Variants in PRKCE observed in about 807,000 individuals in gnomAD.
The protein encoded by PRKCE is protein kinase C epsilon, also known as protein kinase C epsilon type.
PRKCE carries 16 observed loss-of-function variants against 85.4 expected under a neutral mutation model. The observed-to-expected ratio is 0.19, with a 90% CI of 0.13 to 0.28. The LOEUF (loss-of-function observed/expected upper bound fraction) is 0.28, where lower values mean the gene tolerates loss of function less well. Among genes scored for constraint, PRKCE ranks in the 10% least tolerant of loss-of-function variants. PRKCE has a pLI of 1.00. For missense variants in PRKCE, 573 were observed against 975.2 expected, an observed-to-expected ratio of 0.59 and a Z score of 5.49; for synonymous variants, 388 against 371.5, an observed-to-expected ratio of 1.04 and a Z score of -0.51.
Position 46,113,912 on chromosome 2 carries a change from T to C in PRKCE, c.1592+27550T>C, listed in dbSNP as rs574546447. On this transcript the variant is annotated intron_variant, in intron 11 of 14. Transcript: ENST00000306156. ...GGACCTCAGATAGATGATTGGGCTT[T>C]GTCTCTACAGTTTTCTCTTCAAGAC... Among the ~76,000 whole-genome samples the C allele has an allele frequency of 2.6e-5, 4 of 152,352 alleles. No homozygotes were observed. The South Asian group carries it at 8.3e-4, about 32-fold the overall frequency.
chr2:45,786,801 C>T lies in PRKCE; in HGVS notation c.349-56199C>T, dbSNP rs1686633419. Reference sequence around the variant, plus strand: ...TTCAGTGAGGTAACCACTACCCTCACCCCCGTTTTACAGAGGTGGAAACCG... The same window carrying T: ...TTCAGTGAGGTAACCACTACCCTCATCCCCGTTTTACAGAGGTGGAAACCG... On this transcript the variant is annotated intron_variant, in intron 1 of 14. Coordinates refer to ENST00000306156, the MANE Select transcript of PRKCE (RefSeq NM_005400.3). The surrounding 1 kb of genome is among the most constrained non-coding windows in gnomAD (Gnocchi z 5.3). Among the ~76,000 whole-genome samples the T allele has an allele frequency of 2.0e-5, 3 of 152,208 alleles. 1 individual carries two copies. The South Asian group carries it at 6.2e-4, about 32-fold the overall frequency.
intron 11 of PRKCE, among the ~76,000 whole-genome samples, chr2:46,106,476 C>T (rs1671728369): frequency 6.6e-6 from 1 of 152,190 alleles, no homozygotes; most frequent in Admixed American, 6.5e-5. Flanking sequence ...TAACAAAATA[C>T]CACAAACTGG....
intron 1 of PRKCE, among the ~76,000 whole-genome samples, chr2:45,692,710 C>CACAT (rs1262872523): frequency 3.5e-5 from 5 of 144,244 alleles, no homozygotes; most frequent in Admixed American, 6.8e-5. Context: ...CAAGGGAGGA[C>CACAT]ACACACACAC....
intron 1 of PRKCE, among the ~76,000 whole-genome samples, chr2:45,816,429 G>A (rs999860467): frequency 2.0e-5 from 3 of 151,942 alleles, no homozygotes; most frequent in African/African-American, 7.3e-5. Context: ...AGACAGCATG[G>A]GCTTCATCCC....
intron 1 of PRKCE, among the ~76,000 whole-genome samples, chr2:45,658,248 T>G (rs1403701091): frequency 1.3e-5 from 2 of 152,194 alleles, no homozygotes; most frequent in African/African-American, 4.8e-5. Context: ...AATCCAATAT[T>G]GCTCTCATTG....
chr2:45,834,023 A>G (rs1170325501), intron 1 of PRKCE, among the ~76,000 whole-genome samples: 1 of 152,208 alleles, frequency 6.6e-6, no homozygotes, highest in Non-Finnish European at 1.5e-5. Context: ...TTATGTATAC[A>G]TAGAGTTATT....
chr2:45,960,206 G>T (rs931196483), intron 2 of PRKCE, among the ~76,000 whole-genome samples: 1 of 152,130 alleles, frequency 6.6e-6, no homozygotes, highest in Non-Finnish European at 1.5e-5. Context: ...CTTTGGAACC[G>T]GTCTGGCCTT....
chr2:46,151,730 G>T (rs1676654909), intron 13 of PRKCE, among the ~76,000 whole-genome samples: 1 of 152,232 alleles, frequency 6.6e-6, no homozygotes, highest in African/African-American at 2.4e-5. Context: ...AATCAGAAAA[G>T]ATCTGGTACA....
chr2:46,053,602 A>G (rs1311862261), intron 10 of PRKCE, among the ~76,000 whole-genome samples: 1 of 152,190 alleles, frequency 6.6e-6, no homozygotes, highest in East Asian at 1.9e-4. Flanking sequence ...GTCATACAGT[A>G]TCTATCTTTT....
intron 14 of PRKCE, among the ~76,000 whole-genome samples, chr2:46,172,799 CTT>C (rs1679047445): frequency 6.6e-6 from 1 of 152,202 alleles, no homozygotes; most frequent in South Asian, 2.1e-4. Flanking sequence ...GTCTGAAAGA[CTT>C]AAGCAAAAGG....
In PRKCE at chr2:45,907,984, A is replaced by G. The variant is rs185498914; in HGVS notation, c.412+64921A>G. ...GACTTCATCCTTTTCAAATCTCTGA[A>G]GTGGGGAGGGCGATTATCACCCCAT... On this transcript the variant is annotated intron_variant, in intron 2 of 14. Coordinates refer to ENST00000306156, the MANE Select transcript of PRKCE (RefSeq NM_005400.3). The surrounding 1 kb of genome is among the most constrained non-coding windows in gnomAD (Gnocchi z 4.5). Among the ~76,000 whole-genome samples, 1 of 152,180 alleles carries G rather than the reference A, an allele frequency of 6.6e-6. No homozygotes were observed.
intron 1 of PRKCE, among the ~76,000 whole-genome samples, chr2:45,744,026 A>ATTTTTTTTTTTTT (rs1682815097): frequency 6.7e-6 from 1 of 150,356 alleles, no homozygotes; most frequent in Non-Finnish European, 1.5e-5. Context: ...TAATGCATCT[A>ATTTTTTTTTTTTT]ATAAAAATGA....
chr2:46,114,834 T>G (rs935442692), intron 11 of PRKCE, among the ~76,000 whole-genome samples: 1 of 152,118 alleles, frequency 6.6e-6, no homozygotes, highest in Non-Finnish European at 1.5e-5. Flanking sequence ...AAAATAGGTG[T>G]GTGTGTGGTT....
chr2:46,006,135 T>G (rs1705174501), intron 8 of PRKCE, among the ~76,000 whole-genome samples: 2 of 152,312 alleles, frequency 1.3e-5, no homozygotes, highest in South Asian at 4.1e-4. Flanking sequence ...GTAGTGATGT[T>G]AGCACAGATG....
intron 2 of PRKCE, among the ~76,000 whole-genome samples, chr2:45,970,518 G>T (rs989596301): frequency 1.3e-5 from 2 of 152,038 alleles, no homozygotes; most frequent in African/African-American, 4.8e-5. Flanking sequence ...CTACATAAAT[G>T]TATCATTAAA....
intron 11 of PRKCE, among the ~76,000 whole-genome samples, chr2:46,117,336 G>T (rs1342523429): frequency 5.3e-5 from 8 of 152,158 alleles, no homozygotes; most frequent in Non-Finnish European, 1.0e-4. Flanking sequence ...TGACTACATA[G>T]TCTCTTTTGT....
chr2:46,052,523 T>G (rs1321578171), intron 10 of PRKCE, among the ~76,000 whole-genome samples: 1 of 152,188 alleles, frequency 6.6e-6, no homozygotes, highest in Non-Finnish European at 1.5e-5. Context: ...GAAAAAACAT[T>G]CCATGTTTGT....
At chr2:45,977,285 T>C (rs970949409) in intron 3 of PRKCE, among the ~76,000 whole-genome samples, 10 of 152,168 alleles carry the variant, frequency 6.6e-5, no homozygotes, top group African/African-American at 2.4e-4. Context: ...TGAAAAATAA[T>C]TCACTGAATT....
At chr2:46,059,703 AGGCTGAGG>A (rs1666927938) in intron 10 of PRKCE, among the ~76,000 whole-genome samples, 1 of 152,042 alleles carries the variant, frequency 6.6e-6, no homozygotes, top group South Asian at 2.1e-4. Context: ...GCTGCTTGGC[AGGCTGAGG>A]GGGATCACCT....
Sources: gnomAD v4.1 joint callset for allele counts (sites outside exome capture counted in the v4.1 genomes callset) on GRCh38, gnomAD v4.1.1 for gene constraint, Gnocchi (gnomAD v3.1) non-coding constraint, MANE v1.5 for transcripts, NCBI Gene and HGNC (gene_info 2026-07-23, HGNC 2026-07-21) for gene names.